Variants in ZFHX3 observed in about 807,000 individuals in gnomAD.
ZFHX3 encodes the protein zinc finger homeobox 3.
A neutral mutation model predicts 279.1 loss-of-function variants in ZFHX3; 42 were observed. The observed-to-expected ratio is 0.15, with a 90% CI of 0.12 to 0.19. The LOEUF (loss-of-function observed/expected upper bound fraction) is 0.19. Among genes scored for constraint, ZFHX3 ranks in the 10% least tolerant of loss-of-function variants. The probability of loss-of-function intolerance (pLI) is 1.00; values close to 1 mark genes in which losing one functional copy is unlikely to be tolerated. For synonymous variants in ZFHX3, 2,293 were observed against 1,957.8 expected (o/e 1.17, Z -4.52); for missense variants, 4,981 against 4,754.0 (o/e 1.05, Z -1.40).
At chr16:73,530,589 C>T (rs2019782280) in intron 2 of ZFHX3, among the ~76,000 whole-genome samples, 1 of 152,052 alleles carries the variant, frequency 6.6e-6, no homozygotes, top group Non-Finnish European at 1.5e-5. Flanking sequence ...TCTGTGGACC[C>T]CTTTTGGGAC....
At position 72,951,044 on chromosome 16, in the gene ZFHX3, C is replaced by T. The variant is rs148479354; in HGVS notation, c.2720-79G>A. The T allele has an allele frequency of 6.9e-5, 107 of 1,539,878 alleles. No individual in the cohort carries two copies. In the Middle Eastern group the frequency reaches 8.0e-4, roughly 11 times the overall value. ...ACAGCTGAGGCACCCCCCAGCCCTC[C>T]GCCACCCTCAACTGGGGTCCAAAAG... On this transcript the variant is annotated intron_variant, in intron 2 of 9. Coordinates refer to ENST00000268489, the MANE Select transcript of ZFHX3 (RefSeq NM_006885.4).
chr16:73,611,823 A>T (rs1052544549), intron 2 of ZFHX3, among the ~76,000 whole-genome samples: 4 of 152,212 alleles, frequency 2.6e-5, no homozygotes, highest in Admixed American at 2.6e-4. Context: ...TAATTTTAAA[A>T]GGGCAAAATA....
intron 3 of ZFHX3, among the ~76,000 whole-genome samples, chr16:73,406,029 C>T (rs1283812879): frequency 6.6e-6 from 1 of 152,242 alleles, no homozygotes; most frequent in South Asian, 2.1e-4. Flanking sequence ...TAGGGGCACA[C>T]GCCGGGTAGA....
chr16:73,803,945 A>C (rs561154054), intron 1 of ZFHX3, among the ~76,000 whole-genome samples: 13 of 152,254 alleles, frequency 8.5e-5, no homozygotes, highest in Non-Finnish European at 1.6e-4. Flanking sequence ...AGATGGCTTG[A>C]GCCCAGGATG....
At chr16:72,882,365 G>A (rs759661985) in intron 4 of ZFHX3, among the ~76,000 whole-genome samples, 33 of 152,080 alleles carry the variant, frequency 2.2e-4, no homozygotes, top group African/African-American at 4.8e-4. Flanking sequence ...CTGGTGCCAC[G>A]TGTCATATGC....
chr16:73,857,386 T>C (rs533645573), intron 1 of ZFHX3, among the ~76,000 whole-genome samples: 1 of 152,314 alleles, frequency 6.6e-6, no homozygotes, highest in South Asian at 2.1e-4. Context: ...AAAAAAGTGA[T>C]TGTTTATAAA....
intron 2 of ZFHX3, among the ~76,000 whole-genome samples, chr16:73,672,076 C>G (rs1305479079): frequency 6.6e-6 from 1 of 151,508 alleles, no homozygotes; most frequent in Non-Finnish European, 1.5e-5. Flanking sequence ...ACACAGGTAA[C>G]CAAAGCAAAT....
intron 1 of ZFHX3, among the ~76,000 whole-genome samples, chr16:73,703,653 G>A (rs948516620): frequency 6.6e-6 from 1 of 152,132 alleles, no homozygotes; most frequent in African/African-American, 2.4e-5. Flanking sequence ...ATCATTTCAT[G>A]AGTAAGAAAG....
intron 5 of ZFHX3, among the ~76,000 whole-genome samples, chr16:73,161,179 AT>A (rs1278221358): frequency 1.3e-5 from 2 of 152,028 alleles, no homozygotes; most frequent in African/African-American, 4.8e-5. Context: ...GTCTCCCTAT[AT>A]TGCCCAGGTT....
intron 4 of ZFHX3, among the ~76,000 whole-genome samples, chr16:73,316,934 T>C (rs74521587): frequency 2.0e-5 from 3 of 152,188 alleles, no homozygotes; most frequent in Non-Finnish European, 4.4e-5. Context: ...TATCATGCTG[T>C]TGGCCCTTTT....
chr16:73,274,141 C>G (rs1372098757), intron 4 of ZFHX3, among the ~76,000 whole-genome samples: 3 of 151,722 alleles, frequency 2.0e-5, no homozygotes, highest in African/African-American at 7.3e-5. Context: ...GAAACTCTGT[C>G]TCAGGAAAAA....
chr16:72,969,450 T>C (rs1443641798), intron 1 of ZFHX3, among the ~76,000 whole-genome samples: 1 of 152,028 alleles, frequency 6.6e-6, no homozygotes, highest in Non-Finnish European at 1.5e-5. Flanking sequence ...CTAGGGAACT[T>C]TCGCAAAGTT....
rs201567475 is a variant in ZFHX3 at position 73,682,936 on chromosome 16, A to G, written c.-1607-2696T>C. 3.6e-3 allele frequency among the ~76,000 whole-genome samples: 63 copies of G among 17,718 alleles called. 1 individual carries two copies. The highest frequency in any genetic ancestry group is 5.9e-3 in the East Asian group (1 of 170). The allele number at this position is 17,718 out of a possible 152,430, so 11.6% of individuals were successfully genotyped here. ...AGAAAGAGAGAAAGAGAAAGAAAGA[A>G]AGAAAGAAAGAAAGAAAGAAAGAAA... On this transcript the variant is annotated intron_variant, in intron 1 of 17. Transcript: ENST00000641206.
At chr16:73,799,379 TGGATGACATCAGGC>T (rs1960081796) in intron 1 of ZFHX3, among the ~76,000 whole-genome samples, 1 of 152,172 alleles carries the variant, frequency 6.6e-6, no homozygotes, top group African/African-American at 2.4e-5. Context: ...ATTACGACAG[TGGATGACATCAGGC>T]ATTTAGGATG....
At chr16:73,425,352 G>T (rs2017792496) in intron 3 of ZFHX3, among the ~76,000 whole-genome samples, 1 of 152,080 alleles carries the variant, frequency 6.6e-6, no homozygotes, top group Admixed American at 6.6e-5. Flanking sequence ...TACATACATA[G>T]GTACCTTACA....
intron 5 of ZFHX3, among the ~76,000 whole-genome samples, chr16:73,154,137 A>G (rs1369952093): frequency 1.3e-5 from 2 of 152,106 alleles, no homozygotes; most frequent in African/African-American, 2.4e-5. Flanking sequence ...GGACTCAGTG[A>G]TTGTCTTGCT....
At chr16:73,195,879 T>C (rs1268396546) in intron 5 of ZFHX3, among the ~76,000 whole-genome samples, 1 of 151,944 alleles carries the variant, frequency 6.6e-6, no homozygotes, top group African/African-American at 2.4e-5. Context: ...AGAGATGGAT[T>C]TGGGTCAGGC....
At chr16:73,488,585 G>T (rs2019011888) in intron 2 of ZFHX3, among the ~76,000 whole-genome samples, 1 of 152,162 alleles carries the variant, frequency 6.6e-6, no homozygotes. Flanking sequence ...GGGGATGGGG[G>T]TGATGTTTTG....
intron 2 of ZFHX3, among the ~76,000 whole-genome samples, chr16:73,547,696 C>T (rs145431033): frequency 7.9e-4 from 121 of 152,248 alleles, no homozygotes; most frequent in Non-Finnish European, 1.6e-3. Context: ...CTTATTTAAA[C>T]CTGACTCAAG....
Sources: gnomAD v4.1 joint callset for allele counts (sites outside exome capture counted in the v4.1 genomes callset) on GRCh38, gnomAD v4.1.1 for gene constraint, MANE v1.5 for transcripts, NCBI Gene and HGNC (gene_info 2026-07-23, HGNC 2026-07-21) for gene names.